The following SNX6 variants were observed in gnomAD, a reference collection of about 807,000 sequenced individuals.
SNX6 encodes the protein sorting nexin-6.
A neutral mutation model predicts 63.0 loss-of-function variants in SNX6; 34 were observed. The observed-to-expected ratio is 0.54, with a 90% CI of 0.41 to 0.72. SNX6 has a LOEUF of 0.72. SNX6 is among the 30% of genes least tolerant of loss of function. The probability of loss-of-function intolerance (pLI) is 0.00; values close to 1 mark genes in which losing one functional copy is unlikely to be tolerated. For missense variants in SNX6, 398 were observed against 471.4 expected (o/e 0.84, Z 1.44); for synonymous variants, 170 against 164.2 (o/e 1.04, Z -0.27).
chr14:34,596,080 C>A (rs528103131), intron 7 of SNX6, among the ~76,000 whole-genome samples: 6 of 151,724 alleles, frequency 4.0e-5, no homozygotes, highest in African/African-American at 1.5e-4. Flanking sequence ...ATTAGCTGGG[C>A]GTGATGGCGG....
intron 2 of SNX6, 153 bp downstream of exon 2, chr14:34,629,754 G>A (rs1490447227): frequency 1.3e-5 from 16 of 1,245,828 alleles, no homozygotes; most frequent in Middle Eastern, 2.7e-4. Context: ...AGGGCTGCGG[G>A]AGGGTGGGGC....
At chr14:34,578,040 C>T (rs573559131) in intron 10 of SNX6, among the ~76,000 whole-genome samples, 2 of 147,298 alleles carry the variant, frequency 1.4e-5, no homozygotes, top group South Asian at 2.2e-4. Context: ...CCCACCCCCC[C>T]GTCTCTACAT....
intron 11 of SNX6, chr14:34,568,812 T>A: frequency 9.8e-7 from 1 of 1,021,494 alleles, no homozygotes; most frequent in Non-Finnish European, 1.5e-6. Flanking sequence ...CCTCCAGGGC[T>A]TGGAGGACCC....
At chr14:34,590,191 G>T (rs1033965205) in intron 8 of SNX6, among the ~76,000 whole-genome samples, 1 of 152,080 alleles carries the variant, frequency 6.6e-6, no homozygotes, top group African/African-American at 2.4e-5. Flanking sequence ...CACTTTGGGA[G>T]GCTGAGGTGG....
chr14:34,626,936 T>C (rs1883851036), intron 2 of SNX6, among the ~76,000 whole-genome samples: 1 of 152,140 alleles, frequency 6.6e-6, no homozygotes. Context: ...GAATAATTAG[T>C]TTAATTGTGC....
intron 4 of SNX6, 39 bp from the exon 5 acceptor site, chr14:34,605,756 C>T: frequency 6.3e-7 from 1 of 1,582,122 alleles, no homozygotes; most frequent in Non-Finnish European, 8.5e-7. Flanking sequence ...AGGAAATTTT[C>T]ATTTCTTGAA....
intron 2 of SNX6, among the ~76,000 whole-genome samples, chr14:34,616,327 G>A (rs1594747255): frequency 6.6e-6 from 1 of 152,040 alleles, no homozygotes; most frequent in Non-Finnish European, 1.5e-5. Flanking sequence ...GTACATAAAA[G>A]TCTTTCAATC....
In SNX6 at chr14:34,573,562, G is replaced by A. The variant is rs559799896; in HGVS notation, c.921+2194C>T. Among the ~76,000 whole-genome samples the A allele has an allele frequency of 7.5e-4, 113 of 151,516 alleles. 1 individual carries two copies. The highest frequency in any genetic ancestry group is 2.4e-3 in the African/African-American group (100 of 41,298). On this transcript the variant is annotated intron_variant, in intron 11 of 13. Coordinates refer to ENST00000362031, the MANE Select transcript of SNX6 (RefSeq NM_152233.4). Reference sequence around the variant, plus strand: ...TGCACTCCAGCCTGGGCAACAGGGCGAGACTCTGCCTTAAAAAAAAAACAA... The same window carrying A: ...TGCACTCCAGCCTGGGCAACAGGGCAAGACTCTGCCTTAAAAAAAAAACAA...
intron 2 of SNX6, among the ~76,000 whole-genome samples, chr14:34,620,975 G>T (rs916048275): frequency 6.6e-6 from 1 of 152,036 alleles, no homozygotes; most frequent in African/African-American, 2.4e-5. Context: ...GGTGACGGGC[G>T]TCTCACTCTG....
At chr14:34,579,023 T>C (rs1208617892) in intron 10 of SNX6, among the ~76,000 whole-genome samples, 1 of 90,286 alleles carries the variant, frequency 1.1e-5, no homozygotes, top group South Asian at 3.6e-4. Flanking sequence ...AAAGGTAAAA[T>C]ACTAAGTTTT....
Position 34,586,300 on chromosome 14 carries a change from C to T in SNX6, c.724G>A (p.Ala242Thr). The T allele has an allele frequency of 1.9e-6, 3 of 1,604,804 alleles. No individual in the cohort carries two copies. The highest frequency in any genetic ancestry group is 2.2e-5 in the South Asian group (2 of 90,744). Reference sequence around the variant, plus strand: ...GAACCAATTCTATTGTAATCATCTGCAGCACCTATGGAGAAAGTTTTAAGA... The same window carrying T: ...GAACCAATTCTATTGTAATCATCTGTAGCACCTATGGAGAAAGTTTTAAGA... The part of the protein sequence containing the change: ...DRMTRSHKSA[A>T]DDYNRIGSSL... The change falls in exon 9 of 14, where the codon GCA becomes ACA. Residue 242 changes from alanine to threonine, a missense_variant. Ala to Thr is a moderately conservative substitution (Grantham distance 58, BLOSUM62 0). Transcript: ENST00000362031.
chr14:34,617,335 C>CCA (rs1357680167), intron 2 of SNX6, among the ~76,000 whole-genome samples: 1 of 151,934 alleles, frequency 6.6e-6, no homozygotes, highest in East Asian at 1.9e-4. Context: ...ACCTGTTGTT[C>CCA]CACATATAAT....
In SNX6 at chr14:34,581,558, T is replaced by TA. The variant is rs759166507; in HGVS notation, c.834+2dup. On this transcript the variant is annotated splice_region_variant and intron_variant, in intron 10 of 13. Transcript: ENST00000362031. ...CAGTATATCTCTATAATTTAGTACT[T>TA]ACTCTTGTTTTATCGAACAGTTCTG... is the stretch of plus-strand genomic sequence containing the variant. 1 of 1,438,838 alleles carries TA rather than the reference T, an allele frequency of 7.0e-7. No individual in the cohort carries two copies. The highest frequency in any genetic ancestry group is 9.7e-7 in the Non-Finnish European group (1 of 1,027,704). 89.1% of individuals were successfully genotyped at this position (1,438,838 alleles called of 1,614,324 possible).
chr14:34,599,416 GAA>G, intron 6 of SNX6, among the ~76,000 whole-genome samples: 3 of 152,062 alleles, frequency 2.0e-5, no homozygotes, highest in Admixed American at 2.0e-4. Context: ...AACTAGCCTT[GAA>G]GAACATGGTG....
chr14:34,567,466 C>T (rs1243819947), intron 13 of SNX6, among the ~76,000 whole-genome samples: 1 of 152,062 alleles, frequency 6.6e-6, no homozygotes, highest in African/African-American at 2.4e-5. Context: ...CCAGCCTGGG[C>T]AATAGCGCCA....
At chr14:34,619,361 G>GCCAA (rs1349989477) in intron 2 of SNX6, among the ~76,000 whole-genome samples, 2 of 152,116 alleles carry the variant, frequency 1.3e-5, no homozygotes, top group African/African-American at 4.8e-5. Context: ...GGTGGAGGTT[G>GCCAA]CAGTGAGCTG....
chr14:34,597,402 G>A (rs1256153489), intron 7 of SNX6, 148 bp downstream of exon 7: 1 of 591,992 alleles, frequency 1.7e-6, no homozygotes, highest in South Asian at 2.2e-5. Context: ...GAGGAATCTA[G>A]GTCAGGAGGA....
chr14:34,629,435 CA>C (rs770742789), intron 2 of SNX6: 29 of 457,754 alleles, frequency 6.3e-5, no homozygotes, highest in South Asian at 4.5e-4. Context: ...AAAATCCTTG[CA>C]AAATGGTAAT....
In SNX6 at chr14:34,567,991, C is replaced by T; in HGVS notation, c.944G>A (p.Arg315Lys). Residue 315 changes from arginine to lysine, a missense_variant, in exon 12 of 14, where the codon AGG becomes AAG. Physicochemically the swap from Arg to Lys is conservative, Grantham distance 26 (BLOSUM62 2). Coordinates refer to ENST00000362031, the MANE Select transcript of SNX6 (RefSeq NM_152233.4). The stretch of plus-strand genomic sequence containing the variant: ...AGCATTTTCATAATCCACTAGTGAC[C>T]TAGACCTTCGATACAGGAGATCCTA... ...AAKDLLYRRS[R>K]SLVDYENANK... 6.2e-7 allele frequency: 1 copy of T among 1,611,704 alleles called. No individual in the cohort carries two copies. The highest frequency in any genetic ancestry group is 8.5e-7 in the Non-Finnish European group (1 of 1,179,876).
Sources: gnomAD v4.1 joint callset for allele counts (sites outside exome capture counted in the v4.1 genomes callset) on GRCh38, gnomAD v4.1.1 for gene constraint, MANE v1.5 for transcripts, NCBI Gene and HGNC (gene_info 2026-07-23, HGNC 2026-07-21) for gene names.